The following CCDC174 variants were observed in gnomAD, a reference collection of about 807,000 sequenced individuals.
CCDC174 encodes the protein coiled-coil domain-containing protein 174.
Under a neutral mutation model 57.1 loss-of-function variants are expected in CCDC174, and 37 were observed. The ratio of observed to expected loss-of-function variants is 0.65; its 90% CI spans 0.50 to 0.85. CCDC174 has a LOEUF of 0.85. CCDC174 is among the 40% of genes least tolerant of loss of function. The probability of loss-of-function intolerance (pLI) is 0.00; values close to 1 mark genes in which losing one functional copy is unlikely to be tolerated. For missense variants in CCDC174, 540 were observed against 574.3 expected, an observed-to-expected ratio of 0.94 and a Z score of 0.61; for synonymous variants, 182 against 190.2, an observed-to-expected ratio of 0.96 and a Z score of 0.35.
intron 3 of CCDC174, 27 bp downstream of exon 3, chr3:14,655,656 A>G (rs2030935623): frequency 1.4e-6 from 2 of 1,458,772 alleles, no homozygotes; most frequent in Admixed American, 2.0e-5. Flanking sequence ...TGGTAAATAT[A>G]GTTAGCTTTG....
chr3:14,653,416 A>G (rs569238705), intron 1 of CCDC174, among the ~76,000 whole-genome samples: 1 of 152,352 alleles, frequency 6.6e-6, no homozygotes, highest in East Asian at 1.9e-4. Context: ...GCATTATTAA[A>G]TGGTTACCTT....
At chr3:14,658,123 G>A (rs1447866359) in intron 3 of CCDC174, among the ~76,000 whole-genome samples, 1 of 152,200 alleles carries the variant, frequency 6.6e-6, no homozygotes, top group Non-Finnish European at 1.5e-5. Flanking sequence ...TCTTCTCACA[G>A]TCTCAGGTCC....
chr3:14,658,924 T>G lies in CCDC174; in HGVS notation c.302T>G (p.Phe101Cys). 6.6e-7 allele frequency: 1 copy of G among 1,513,170 alleles called. No individual in the cohort carries two copies. Among genetic ancestry groups the G allele is most frequent in the Non-Finnish European group, 9.0e-7 (1 of 1,105,336 alleles). 93.7% of individuals were successfully genotyped at this position (1,513,170 alleles called of 1,614,324 possible). A position where few individuals can be genotyped will look rare whatever the true frequency, so the allele number is the denominator to read the frequency against. ...KLYEKMTKGD[F>C]IDEEVEDMYL... ...TATGAAAAAATGACTAAAGGAGACT[T>G]TATAGGTAAATAAAATTTGTTATTT... The change falls in exon 4 of 11, where the codon TTT (phenylalanine) becomes TGT (cysteine). Residue 101 changes from phenylalanine to cysteine, a missense_variant. By Grantham distance (205) the Phe-to-Cys change is radical. Coordinates refer to ENST00000383794, the MANE Select transcript of CCDC174 (RefSeq NM_016474.5).
At chr3:14,665,880 A>G (rs2031317368) in intron 6 of CCDC174, among the ~76,000 whole-genome samples, 1 of 151,790 alleles carries the variant, frequency 6.6e-6, no homozygotes, top group Non-Finnish European at 1.5e-5. Context: ...AATACAAAAA[A>G]AAAAAAAATT....
At position 14,661,523 on chromosome 3, in the gene CCDC174, G is replaced by A. The variant is rs1234958868; in HGVS notation, c.308-7G>A. The A allele has an allele frequency of 2.5e-6, 4 of 1,591,718 alleles. No homozygotes were observed. In the African/African-American group the frequency reaches 4.1e-5, roughly 16 times the overall value. ...TTGATGTCTGAAAACTGATTTTTAT[G>A]TCCTAGATGAAGAAGTAGAGGATAT... On this transcript the variant is annotated splice_region_variant and splice_polypyrimidine_tract_variant and intron_variant, in intron 4 of 10. Transcript: ENST00000383794.
chr3:14,664,431 A>G (rs752784491), intron 5 of CCDC174, among the ~76,000 whole-genome samples: 2 of 152,194 alleles, frequency 1.3e-5, no homozygotes, highest in Non-Finnish European at 2.9e-5. Context: ...TTGCCTTGCT[A>G]TCTGCCTGGC....
At chr3:14,665,403 C>T (rs2031281853) in intron 6 of CCDC174, among the ~76,000 whole-genome samples, 1 of 152,148 alleles carries the variant, frequency 6.6e-6, no homozygotes, top group South Asian at 2.1e-4. Flanking sequence ...CAAACGAAAC[C>T]AGCAAACCAG....
intron 5 of CCDC174, among the ~76,000 whole-genome samples, chr3:14,662,337 C>G (rs1173763456): frequency 4.7e-5 from 7 of 149,160 alleles, no homozygotes; most frequent in Admixed American, 6.7e-5. Context: ...AACACCCCCC[C>G]GCCCCCCTTC....
chr3:14,656,064 T>TAC (rs914899500), intron 3 of CCDC174, among the ~76,000 whole-genome samples: 11 of 152,068 alleles, frequency 7.2e-5, no homozygotes, highest in East Asian at 1.9e-4. Context: ...CTCTCTCTCT[T>TAC]ACACACACAC....
At chr3:14,665,265 G>A (rs569124092) in intron 6 of CCDC174, 142 bp downstream of exon 6, 5 of 473,084 alleles carry the variant, frequency 1.1e-5, no homozygotes, top group African/African-American at 8.7e-5. Context: ...ATTGATTGAA[G>A]CACTTTTTAG....
chr3:14,652,176 C>G (rs2030792777), intron 1 of CCDC174, among the ~76,000 whole-genome samples: 1 of 152,192 alleles, frequency 6.6e-6, no homozygotes, highest in African/African-American at 2.4e-5. Context: ...GCCCTGCCCA[C>G]AAGGACCTGC....
At chr3:14,657,749 T>C (rs2031006434) in intron 3 of CCDC174, among the ~76,000 whole-genome samples, 1 of 152,174 alleles carries the variant, frequency 6.6e-6, no homozygotes, top group Non-Finnish European at 1.5e-5. Context: ...CACTTAATCT[T>C]TCCTTTTTCT....
At chr3:14,662,764 C>T (rs183957347) in intron 5 of CCDC174, among the ~76,000 whole-genome samples, 7 of 152,328 alleles carry the variant, frequency 4.6e-5, no homozygotes, top group Admixed American at 4.6e-4. Context: ...TTTTGTCAGC[C>T]TTTGGCCTTG....
At chr3:14,656,171 T>A (rs2124831998) in intron 3 of CCDC174, among the ~76,000 whole-genome samples, 2 of 152,284 alleles carry the variant, frequency 1.3e-5, no homozygotes, top group Middle Eastern at 6.8e-3. Context: ...ATAACCACAA[T>A]ACCGCTATCA....
Position 14,670,789 on chromosome 3 carries a change from A to C in CCDC174, c.1106-107A>C. 4.2e-6 allele frequency: 4 copies of C among 962,636 alleles called. No individual in the cohort carries two copies. In the South Asian group the frequency reaches 5.3e-5, roughly 13 times the overall value. The allele number at this position is 962,636 out of a possible 1,614,324, so 59.6% of individuals were successfully genotyped here. On this transcript the variant is annotated intron_variant, in intron 10 of 10. Coordinates refer to ENST00000383794, the MANE Select transcript of CCDC174 (RefSeq NM_016474.5). ...TGTTGCCATTCTTATTCTTTGGATAATTTGTGGTGGCTTTTAAGAAATATA... is the reference window on the plus strand; with the variant it reads ...TGTTGCCATTCTTATTCTTTGGATACTTTGTGGTGGCTTTTAAGAAATATA...
rs1319545787 is a variant in CCDC174, at chr3:14,672,143, C to T, written c.*949C>T. On this transcript the variant is annotated 3_prime_UTR_variant, in exon 11 of 11. Coordinates refer to ENST00000383794, the MANE Select transcript of CCDC174 (RefSeq NM_016474.5). Reference sequence around the variant, plus strand: ...GAGGGTTCCTACAGCTGCACACAAGCAGTTGAGAGTTGATGACCAGGCCCA... The same window carrying T: ...GAGGGTTCCTACAGCTGCACACAAGTAGTTGAGAGTTGATGACCAGGCCCA... The T allele has an allele frequency of 6.6e-6, 1 of 152,436 alleles. No homozygotes were observed. The highest frequency in any genetic ancestry group is 2.4e-5 in the African/African-American group (1 of 41,486). The allele number at this position is 152,436 out of a possible 1,614,324, so 9.4% of individuals were successfully genotyped here. A position where few individuals can be genotyped will look rare whatever the true frequency, so the allele number is the denominator to read the frequency against.
At position 14,651,874 on chromosome 3, in the gene CCDC174, C is replaced by T. The variant is rs1463676765; in HGVS notation, c.38C>T (p.Ser13Phe). The T allele has an allele frequency of 1.2e-6, 2 of 1,613,944 alleles. No homozygotes were observed. The highest frequency in any genetic ancestry group is 1.7e-6 in the Non-Finnish European group (2 of 1,179,958). Residue 13 changes from serine (S) to phenylalanine (F), a missense_variant, in exon 1 of 11, where the codon TCC becomes TTC. Physicochemically the swap from Ser to Phe is radical, Grantham distance 155. Transcript: ENST00000383794. The stretch of plus-strand genomic sequence containing the variant: ...AAAAAGCCTTTGGACGTCACGGCCT[C>T]CTCGGTGAGTGAGGGTATGAGGTAA... ...RRKKPLDVTA[S>F]SLVDLKAELF... is the part of the protein sequence containing the mutation.
At position 14,670,027 on chromosome 3, in the gene CCDC174, A is replaced by G; in HGVS notation, c.1046A>G (p.Gln349Arg). The G allele has an allele frequency of 5.6e-6, 9 of 1,611,196 alleles. No homozygotes were observed. The highest frequency in any genetic ancestry group is 7.6e-6 in the Non-Finnish European group (9 of 1,179,194). ...AQSSKVEVIV[Q>R]ERKDTKPGVP... is the part of the protein sequence containing the mutation. ...AGTAGCAAAGTAGAAGTCATTGTCC[A>G]GGAGAGGAAGGACACCAAGCCTGGA... Residue 349 changes from glutamine to arginine, a missense_variant, in exon 10 of 11, where the codon CAG (glutamine) becomes CGG (arginine). Gln to Arg is a conservative substitution (Grantham distance 43). Coordinates refer to ENST00000383794, the MANE Select transcript of CCDC174 (RefSeq NM_016474.5).
At chr3:14,665,297 C>T (rs936739985) in intron 6 of CCDC174, among the ~76,000 whole-genome samples, 174 bp downstream of exon 6, 4 of 152,190 alleles carry the variant, frequency 2.6e-5, no homozygotes, top group Admixed American at 6.5e-5. Context: ...CACATACACA[C>T]ATAATCCACA....
Sources: gnomAD v4.1 joint callset for allele counts (sites outside exome capture counted in the v4.1 genomes callset) on GRCh38, gnomAD v4.1.1 for gene constraint, MANE v1.5 for transcripts, NCBI Gene and HGNC (gene_info 2026-07-23, HGNC 2026-07-21) for gene names.